EFHB: variants seen among roughly 807,000 people sequenced by gnomAD.
EFHB encodes the protein EF-hand domain-containing family member B.
In EFHB, 91 loss-of-function variants were observed where a neutral mutation model predicts 87.2. The ratio of observed to expected loss-of-function variants is 1.04; its 90% CI spans 0.88 to 1.24. EFHB has a LOEUF of 1.24. Ranked by LOEUF, EFHB falls within the 50% of genes most tolerant of loss-of-function variation. The pLI is 0.00. For missense variants in EFHB, 1,084 were observed against 998.8 expected (o/e 1.09, Z -1.15); for synonymous variants, 325 against 333.6 (o/e 0.97, Z 0.28).
upstream of EFHB, chr3:19,934,272 G>T (rs954778728): frequency 7.9e-6 from 11 of 1,392,394 alleles, no homozygotes; most frequent in Non-Finnish European, 1.0e-5. Context: ...AGTCCTGCTT[G>T]GACAGATCCC....
At chr3:19,894,808 G>GA (rs1257414667) in intron 9 of EFHB, 2 of 151,908 alleles carry the variant, frequency 1.3e-5, no homozygotes, top group African/African-American at 4.8e-5. Context: ...CCAACATGGT[G>GA]AAACCCCGTC....
intron 6 of EFHB, among the ~76,000 whole-genome samples, chr3:19,902,474 C>A (rs1694705539): frequency 6.6e-6 from 1 of 152,088 alleles, no homozygotes; most frequent in African/African-American, 2.4e-5. Flanking sequence ...CCTGCCTCAG[C>A]CTCCCAAGTA....
Position 19,888,438 on chromosome 3 carries a change from A to C in EFHB, c.1933+6T>G. 1 of 1,362,386 alleles carries C rather than the reference A, an allele frequency of 7.3e-7. No homozygotes were observed. Among genetic ancestry groups the C allele is most frequent in the Non-Finnish European group, 9.7e-7 (1 of 1,035,914 alleles). The allele number at this position is 1,362,386 out of a possible 1,614,324, so 84.4% of individuals were successfully genotyped here. A position where few individuals can be genotyped will look rare whatever the true frequency, so the allele number is the denominator to read the frequency against. On this transcript the variant is annotated splice_donor_region_variant and intron_variant, in intron 10 of 12. Transcript: ENST00000295824. Reference sequence around the variant, plus strand: ...ATAATTCATCAAACCTTCAAAAATTAAATACCTTTAATAATGACCCTCTCT... The same window carrying C: ...ATAATTCATCAAACCTTCAAAAATTCAATACCTTTAATAATGACCCTCTCT...
chr3:19,925,467 T>C (rs533890772), intron 1 of EFHB, among the ~76,000 whole-genome samples: 14 of 152,214 alleles, frequency 9.2e-5, no homozygotes, highest in African/African-American at 3.1e-4. Flanking sequence ...ATAACACTTT[T>C]CTCTGTCAGT....
chr3:19,933,362 G>T lies in EFHB; in HGVS notation c.657C>A (p.Pro219=), dbSNP rs772990498. 6.2e-7 allele frequency: 1 copy of T among 1,613,932 alleles called. No homozygotes were observed. Among genetic ancestry groups the T allele is most frequent in the Admixed American group, 1.7e-5 (1 of 60,014 alleles). ...EPQMGLVIEP[P]QCQFAQQHEQ... ...CATGTTGTTGGGCAAACTGGCATTG[G>T]GGAGGTTCTATCACCAAGCCCATTT... The change falls in exon 1 of 13, where the codon CCC becomes CCA. Residue 219 remains proline, a synonymous_variant. Coordinates refer to ENST00000295824, the MANE Select transcript of EFHB (RefSeq NM_144715.4).
chr3:19,939,461 T>C (rs1478568620), intron 1 of EFHB, among the ~76,000 whole-genome samples: 2 of 134,498 alleles, frequency 1.5e-5, no homozygotes, highest in African/African-American at 5.5e-5. Context: ...CTTGGCTCAC[T>C]GCAAGCTCCG....
intron 5 of EFHB, among the ~76,000 whole-genome samples, chr3:19,908,581 AGAGAGAGAG>A (rs1694927162): frequency 1.6e-5 from 2 of 122,632 alleles, no homozygotes; most frequent in African/African-American, 6.7e-5. Context: ...AGAGAGAGAG[AGAGAGAGAG>A]AGAGAGAGAG....
At chr3:19,890,627 G>A (rs1451007576) in intron 9 of EFHB, among the ~76,000 whole-genome samples, 1 of 152,192 alleles carries the variant, frequency 6.6e-6, no homozygotes, top group Non-Finnish European at 1.5e-5. Context: ...TGATCAAGAA[G>A]AGCCATGTAT....
At chr3:19,913,354 G>T (rs1575026047) in intron 5 of EFHB, among the ~76,000 whole-genome samples, 2 of 152,132 alleles carry the variant, frequency 1.3e-5, no homozygotes, top group African/African-American at 2.4e-5. Context: ...AAAGTTACAA[G>T]ATACAAAATA....
Position 19,882,717 on chromosome 3 carries a change from C to T in EFHB, c.2161G>A (p.Gly721Ser). 1 of 1,612,626 alleles carries T rather than the reference C, an allele frequency of 6.2e-7. No individual in the cohort carries two copies. Among genetic ancestry groups the T allele is most frequent in the Non-Finnish European group, 8.5e-7 (1 of 1,179,128 alleles). ...AIPSTCYPIC[G>S]VPTIRSDIPA... ...ATGTCAGATCGAATGGTTGGAACAC[C>T]ACAAATGGGGTAACCTAGGTCATTG... Residue 721 changes from glycine to serine, a missense_variant, in exon 12 of 13, where the codon GGT becomes AGT. Transcript: ENST00000295824.
chr3:19,879,524 T>C lies in EFHB; in HGVS notation c.*107A>G. On this transcript the variant is annotated 3_prime_UTR_variant, in exon 13 of 13. Transcript: ENST00000295824. ...GCAACACATACAGGCATATGAGTCT[T>C]ACCACTGTGAACTCTAACATAATAT... The C allele has an allele frequency of 7.9e-7, 1 of 1,258,004 alleles. No homozygotes were observed. Among genetic ancestry groups the C allele is most frequent in the Non-Finnish European group, 1.1e-6 (1 of 927,074 alleles). 77.9% of individuals were successfully genotyped at this position (1,258,004 alleles called of 1,614,324 possible). A position where few individuals can be genotyped will look rare whatever the true frequency, so the allele number is the denominator to read the frequency against.
At chr3:19,913,416 A>C (rs559681293) in intron 5 of EFHB, among the ~76,000 whole-genome samples, 3 of 152,356 alleles carry the variant, frequency 2.0e-5, no homozygotes, top group African/African-American at 4.8e-5. Context: ...ATGATGTGAA[A>C]AAGAAATTTA....
In EFHB at chr3:19,887,122, G is replaced by A. The variant is rs140502405; in HGVS notation, c.1933+1322C>T. On this transcript the variant is annotated intron_variant, in intron 10 of 12. Coordinates refer to ENST00000295824, the MANE Select transcript of EFHB (RefSeq NM_144715.4). ...CTGGCTGGGCATGTTGGCTCTTGTC[G>A]GTCATCCTAGCACTTTGGGAGGCCA... Among the ~76,000 whole-genome samples the A allele has an allele frequency of 5.6e-3, 858 of 152,046 alleles. 4 individuals are homozygous for A. Among genetic ancestry groups the A allele is most frequent in the African/African-American group, 0.02 (825 of 41,488 alleles).
Position 19,879,526 on chromosome 3 carries a change from C to A in EFHB, c.*105G>T. On this transcript the variant is annotated 3_prime_UTR_variant, in exon 13 of 13. Transcript: ENST00000295824. ...AACACATACAGGCATATGAGTCTTA[C>A]CACTGTGAACTCTAACATAATATCT... 1 of 1,267,516 alleles carries A rather than the reference C, an allele frequency of 7.9e-7. No homozygotes were observed. The highest frequency in any genetic ancestry group is 1.1e-6 in the Non-Finnish European group (1 of 935,708). 78.5% of individuals were successfully genotyped at this position (1,267,516 alleles called of 1,614,324 possible).
rs751369107 is a variant in EFHB, at chr3:19,888,462, C to T, written c.1915G>A (p.Glu639Lys). ...TAAATACCTTTAATAATGACCCTCT[C>T]TTCATACTCTTTAAGAAGCATTTTG... ...KDKMLLKEYE[E>K]RVIIKGRKPD... is the part of the protein sequence containing the mutation. The change falls in exon 10 of 13, where the codon GAG (glutamate) becomes AAG (lysine). Residue 639 changes from glutamate (E) to lysine (K), a missense_variant. Physicochemically the swap from Glu to Lys is moderately conservative, Grantham distance 56. Transcript: ENST00000295824. 2.1e-5 allele frequency: 33 copies of T among 1,556,212 alleles called. No homozygotes were observed. The highest frequency in any genetic ancestry group is 2.7e-5 in the Non-Finnish European group (31 of 1,147,136).
chr3:19,943,740 G>C (rs1456843403), intron 1 of EFHB, among the ~76,000 whole-genome samples: 3 of 152,136 alleles, frequency 2.0e-5, no homozygotes, highest in Non-Finnish European at 4.4e-5. Flanking sequence ...CCCATATGGT[G>C]GGGGAATAAG....
chr3:19,924,674 G>T (rs1198671927), intron 1 of EFHB, among the ~76,000 whole-genome samples: 1 of 152,134 alleles, frequency 6.6e-6, no homozygotes, highest in African/African-American at 2.4e-5. Context: ...ATATCTGCAT[G>T]ATTCTTTAGG....
Position 19,933,888 on chromosome 3 carries a change from C to G in EFHB, c.131G>C (p.Gly44Ala), listed in dbSNP as rs752530446. The G allele has an allele frequency of 6.2e-7, 1 of 1,613,978 alleles. No individual in the cohort carries two copies. Among genetic ancestry groups the G allele is most frequent in the Non-Finnish European group, 8.5e-7 (1 of 1,179,894 alleles). ...CTTATTACTAACCACAGGGCTCTCC[C>G]CGCATCGGGAATCTTCTTTTCCTAA... ...VGLGKEDSRC[G>A]ESPVVSNKCE... The change falls in exon 1 of 13, where the codon GGG (glycine) becomes GCG (alanine). Residue 44 changes from glycine (G) to alanine (A), a missense_variant. Transcript: ENST00000295824.
chr3:19,883,767 C>A (rs563670222), intron 11 of EFHB, among the ~76,000 whole-genome samples: 6 of 152,210 alleles, frequency 3.9e-5, no homozygotes, highest in East Asian at 3.9e-4. Flanking sequence ...GAGAACACCA[C>A]GTGAAGATGA....
Sources: gnomAD v4.1 joint callset for allele counts (sites outside exome capture counted in the v4.1 genomes callset) on GRCh38, gnomAD v4.1.1 for gene constraint, MANE v1.5 for transcripts, NCBI Gene and HGNC (gene_info 2026-07-23, HGNC 2026-07-21) for gene names.